COP1: variants seen among roughly 807,000 people sequenced by gnomAD.
The protein encoded by COP1 is E3 ubiquitin-protein ligase COP1.
In COP1, 24 loss-of-function variants were observed where a neutral mutation model predicts 101.3. The observed-to-expected ratio is 0.24, with a 90% CI of 0.17 to 0.33. The LOEUF (loss-of-function observed/expected upper bound fraction) is 0.33, where lower values mean the gene tolerates loss of function less well. Ranked by LOEUF, COP1 falls within the 10% of genes least tolerant of loss-of-function variation. COP1 has a pLI of 1.00. For missense variants in COP1, 663 were observed against 906.2 expected (o/e 0.73, Z 3.45); for synonymous variants, 347 against 341.9 (o/e 1.01, Z -0.17).
intron 7 of COP1, among the ~76,000 whole-genome samples, chr1:176,136,015 C>T (rs1244182862): frequency 1.3e-5 from 2 of 152,002 alleles, no homozygotes; most frequent in African/African-American, 4.8e-5. Flanking sequence ...TCATAATACC[C>T]TATAAGACTC....
intron 18 of COP1, among the ~76,000 whole-genome samples, chr1:175,964,311 A>G (rs1337950790): frequency 6.6e-6 from 1 of 152,170 alleles, no homozygotes; most frequent in East Asian, 1.9e-4. Context: ...CTTGCTAAAT[A>G]AGGATCTAAA....
intron 18 of COP1, among the ~76,000 whole-genome samples, chr1:175,956,900 T>C (rs1021061545): frequency 6.6e-6 from 1 of 152,076 alleles, no homozygotes; most frequent in Non-Finnish European, 1.5e-5. Context: ...GACATTCCGA[T>C]GGGACAAGAT....
intron 5 of COP1, among the ~76,000 whole-genome samples, chr1:176,160,969 C>T (rs1289950885): frequency 6.6e-6 from 1 of 152,198 alleles, no homozygotes; most frequent in African/African-American, 2.4e-5. Flanking sequence ...GGGATTCCAA[C>T]TGCTTCTTAA....
At chr1:176,149,197 CTATT>C in intron 5 of COP1, 123 bp from the exon 6 acceptor site, 1 of 468,744 alleles carries the variant, frequency 2.1e-6, no homozygotes, top group East Asian at 3.5e-5. Flanking sequence ...TCTATTATTT[CTATT>C]TAATCAGTTT....
Position 176,054,606 on chromosome 1 carries a change from CG to C in COP1, c.1278-8283del. Among the ~76,000 whole-genome samples, 5 of 152,184 alleles carry C rather than the reference CG, an allele frequency of 3.3e-5. No individual in the cohort carries two copies. The South Asian group carries it at 1.0e-3, about 32-fold the overall frequency. On this transcript the variant is annotated intron_variant, in intron 11 of 19. Coordinates refer to ENST00000367669, the MANE Select transcript of COP1 (RefSeq NM_022457.7). ...TATTCTGTGGTCTTTCTTGTCATTC[CG>C]AACGATGTGCTCCTAGATGTAACCA...
chr1:176,014,172 T>G (rs1665189639), intron 15 of COP1, among the ~76,000 whole-genome samples: 1 of 152,170 alleles, frequency 6.6e-6, no homozygotes, highest in Non-Finnish European at 1.5e-5. Context: ...AAACAGAAAG[T>G]AAGAGAATAC....
At chr1:175,973,609 G>C (rs573950480) in intron 18 of COP1, among the ~76,000 whole-genome samples, 13 of 152,046 alleles carry the variant, frequency 8.6e-5, no homozygotes, top group African/African-American at 3.1e-4. Flanking sequence ...AAATATAATG[G>C]TTGCCTTGTA....
intron 1 of COP1, among the ~76,000 whole-genome samples, chr1:176,199,361 TA>T (rs1700045937): frequency 6.6e-6 from 1 of 150,666 alleles, no homozygotes; most frequent in East Asian, 2.0e-4. Context: ...AGGCAGTTTT[TA>T]AAAAGTTTTG....
At chr1:175,988,633 G>A (rs1006451544) in intron 16 of COP1, 2 of 397,056 alleles carry the variant, frequency 5.0e-6, no homozygotes, top group Non-Finnish European at 9.0e-6. Context: ...TGGAGTTCGA[G>A]ACCAGCCTGG....
At chr1:175,969,265 A>G (rs1450930703) in intron 18 of COP1, among the ~76,000 whole-genome samples, 2 of 152,206 alleles carry the variant, frequency 1.3e-5, no homozygotes, top group Non-Finnish European at 2.9e-5. Context: ...AACACAGTAG[A>G]GCATTGTTAG....
At chr1:176,098,451 G>C (rs1055610272) in intron 9 of COP1, among the ~76,000 whole-genome samples, 4 of 152,172 alleles carry the variant, frequency 2.6e-5, no homozygotes, top group African/African-American at 4.8e-5. Context: ...AAGTTTAACA[G>C]AGCGAGACTC....
rs760918809 is a variant in COP1, at chr1:176,101,921, T to C, written c.1026+14703A>G. Among the ~76,000 whole-genome samples the C allele has an allele frequency of 2.0e-5, 3 of 152,178 alleles. No homozygotes were observed. The South Asian group carries it at 6.2e-4, about 32-fold the overall frequency. On this transcript the variant is annotated intron_variant, in intron 9 of 19. Transcript: ENST00000367669. ...AGATTAATCTTCCTCCTTATCCTTA[T>C]GGCAGTTAGATATATACTTCTTTAG...
chr1:176,125,957 AG>A (rs766538326), intron 8 of COP1, among the ~76,000 whole-genome samples: 3 of 152,084 alleles, frequency 2.0e-5, no homozygotes, highest in Non-Finnish European at 1.5e-5. Flanking sequence ...TTAATTCCTA[AG>A]TATTTAATTT....
chr1:176,085,257 G>C (rs1007288266), intron 10 of COP1, among the ~76,000 whole-genome samples: 1 of 151,224 alleles, frequency 6.6e-6, no homozygotes, highest in African/African-American at 2.4e-5. Flanking sequence ...ATTCGGCCTG[G>C]ATTTTTTTTT....
At chr1:176,142,523 T>C (rs541328802) in intron 6 of COP1, among the ~76,000 whole-genome samples, 2 of 152,232 alleles carry the variant, frequency 1.3e-5, no homozygotes, top group South Asian at 4.1e-4. Context: ...AAGGAAGACC[T>C]GGTATGAATG....
intron 6 of COP1, among the ~76,000 whole-genome samples, chr1:176,140,341 A>G (rs907518557): frequency 6.6e-6 from 1 of 152,224 alleles, no homozygotes; most frequent in African/African-American, 2.4e-5. Context: ...AGATATACAG[A>G]CAGAATGCAA....
intron 11 of COP1, among the ~76,000 whole-genome samples, chr1:176,064,963 C>T (rs189611329): frequency 3.9e-4 from 59 of 152,248 alleles, no homozygotes; most frequent in Non-Finnish European, 7.5e-4. Flanking sequence ...CCACTTCTTG[C>T]TGTTGCCGTT....
intron 11 of COP1, among the ~76,000 whole-genome samples, chr1:176,052,267 A>G (rs149084940): frequency 3.0e-4 from 46 of 152,332 alleles, no homozygotes; most frequent in African/African-American, 1.0e-3. Flanking sequence ...AGGCTATACT[A>G]TATCACCTAC....
chr1:175,972,116 T>C (rs942692669), intron 18 of COP1, among the ~76,000 whole-genome samples: 1 of 151,900 alleles, frequency 6.6e-6, no homozygotes, highest in Non-Finnish European at 1.5e-5. Context: ...ATGTAACCCA[T>C]AACAACAACA....
Sources: allele counts gnomAD v4.1 joint callset (sites outside exome capture counted in the v4.1 genomes callset), GRCh38; gene constraint gnomAD v4.1.1; transcripts MANE v1.5; gene names NCBI Gene and HGNC (gene_info 2026-07-23, HGNC 2026-07-21).